Variants in ZNF804A observed in about 807,000 individuals in gnomAD.
The protein encoded by ZNF804A is zinc finger protein 804A.
Under a neutral mutation model 16.5 loss-of-function variants are expected in ZNF804A, and 2 were observed. The observed-to-expected ratio is 0.12, with a 90% CI of 0.05 to 0.38. ZNF804A has a LOEUF of 0.38. Ranked by LOEUF, ZNF804A falls within the 10% of genes least tolerant of loss-of-function variation. The probability of loss-of-function intolerance (pLI) is 0.99; values close to 1 mark genes in which losing one functional copy is unlikely to be tolerated. For synonymous variants in ZNF804A, 534 were observed against 489.6 expected, an observed-to-expected ratio of 1.09 and a Z score of -1.20; for missense variants, 1,473 against 1,390.7, an observed-to-expected ratio of 1.06 and a Z score of -0.94.
chr2:184,810,484 C>CTTTTTTTTT (rs1175105602), intron 1 of ZNF804A, among the ~76,000 whole-genome samples: 15 of 95,972 alleles, frequency 1.6e-4, no homozygotes, highest in Non-Finnish European at 1.7e-4. Context: ...TGTTCTTTTC[C>CTTTTTTTTT]TTTTTTTTTT....
At chr2:184,897,299 G>A (rs192968236) in intron 2 of ZNF804A, among the ~76,000 whole-genome samples, 2 of 152,176 alleles carry the variant, frequency 1.3e-5, no homozygotes, top group Admixed American at 1.3e-4. Context: ...ACAAAGTAGT[G>A]TGTCAGGATT....
intron 3 of ZNF804A, 152 bp from the exon 4 acceptor site, chr2:184,935,631 G>T: frequency 2.6e-6 from 2 of 774,520 alleles, no homozygotes; most frequent in Non-Finnish European, 3.9e-6. Context: ...GTGGCACCAT[G>T]GAAAGTACTT....
intron 1 of ZNF804A, among the ~76,000 whole-genome samples, chr2:184,832,348 C>T (rs1695277173): frequency 6.6e-6 from 1 of 152,030 alleles, no homozygotes; most frequent in Admixed American, 6.6e-5. Context: ...AATGTCAAAG[C>T]TCTTTCCAGA....
chr2:184,748,294 T>A (rs1197646866), intron 1 of ZNF804A, among the ~76,000 whole-genome samples: 1 of 151,322 alleles, frequency 6.6e-6, no homozygotes, highest in Non-Finnish European at 1.5e-5. Flanking sequence ...TCTGTTTTTT[T>A]TTTTGACTTT....
At chr2:184,885,945 C>G (rs943055104) in intron 2 of ZNF804A, among the ~76,000 whole-genome samples, 1 of 152,146 alleles carries the variant, frequency 6.6e-6, no homozygotes, top group Non-Finnish European at 1.5e-5. Flanking sequence ...AATCTCATGT[C>G]CTCACATTTA....
chr2:184,676,900 G>T (rs1016021519), intron 1 of ZNF804A, among the ~76,000 whole-genome samples: 1 of 151,446 alleles, frequency 6.6e-6, no homozygotes, highest in Non-Finnish European at 1.5e-5. Context: ...AAATATAAAT[G>T]TAAATAGGTT....
At chr2:184,923,475 G>T (rs1443196056) in intron 2 of ZNF804A, among the ~76,000 whole-genome samples, 1 of 151,472 alleles carries the variant, frequency 6.6e-6, no homozygotes, top group Non-Finnish European at 1.5e-5. Flanking sequence ...CCAGGTATAA[G>T]ATTATATCAT....
chr2:184,767,607 AGT>A (rs1388273502), intron 1 of ZNF804A, among the ~76,000 whole-genome samples: 1 of 152,134 alleles, frequency 6.6e-6, no homozygotes, highest in Non-Finnish European at 1.5e-5. Context: ...TTTGCCACAA[AGT>A]GTCAAACAAA....
intron 2 of ZNF804A, among the ~76,000 whole-genome samples, chr2:184,917,401 T>C (rs1685465630): frequency 1.3e-5 from 2 of 152,132 alleles, no homozygotes; most frequent in Non-Finnish European, 2.9e-5. Context: ...AATACTTAGA[T>C]ACTATGATGT....
chr2:184,704,860 G>A (rs1160742543), intron 1 of ZNF804A, among the ~76,000 whole-genome samples: 2 of 152,308 alleles, frequency 1.3e-5, no homozygotes, highest in South Asian at 2.1e-4. Flanking sequence ...AAACCTTGAG[G>A]GGATGCCCTG....
chr2:184,862,020 C>A (rs1420442723), intron 1 of ZNF804A, among the ~76,000 whole-genome samples: 1 of 152,146 alleles, frequency 6.6e-6, no homozygotes, highest in Non-Finnish European at 1.5e-5. Context: ...GGAAGATTGT[C>A]CTTCTTTTTC....
At chr2:184,847,332 A>G (rs373329554) in intron 1 of ZNF804A, among the ~76,000 whole-genome samples, 2 of 152,092 alleles carry the variant, frequency 1.3e-5, no homozygotes, top group East Asian at 3.9e-4. Context: ...AATTCTGTTC[A>G]GTATATCTGT....
chr2:184,725,681 C>A (rs919539185), intron 1 of ZNF804A, among the ~76,000 whole-genome samples: 1 of 151,532 alleles, frequency 6.6e-6, no homozygotes, highest in Non-Finnish European at 1.5e-5. Context: ...AGTTCTATAT[C>A]ATTTTACCAC....
chr2:184,628,610 C>T (rs939364475), intron 1 of ZNF804A, among the ~76,000 whole-genome samples: 3 of 151,642 alleles, frequency 2.0e-5, no homozygotes, highest in Non-Finnish European at 4.4e-5. Flanking sequence ...TTATTGTTAC[C>T]ATTTGTATTT....
intron 1 of ZNF804A, among the ~76,000 whole-genome samples, chr2:184,608,404 C>T (rs2105669905): frequency 6.6e-6 from 1 of 152,208 alleles, no homozygotes; most frequent in South Asian, 2.1e-4. Flanking sequence ...GACTTTCTAT[C>T]TAGGAGCAAA....
chr2:184,602,051 C>T (rs1691057666), intron 1 of ZNF804A, among the ~76,000 whole-genome samples: 1 of 151,808 alleles, frequency 6.6e-6, no homozygotes, highest in South Asian at 2.1e-4. Context: ...AAATCCAGAA[C>T]GTTATCCTGC....
intron 2 of ZNF804A, among the ~76,000 whole-genome samples, chr2:184,931,854 G>A (rs1685707294): frequency 6.6e-6 from 1 of 152,046 alleles, no homozygotes; most frequent in Non-Finnish European, 1.5e-5. Flanking sequence ...AAATAACTTT[G>A]TGAATACATA....
intron 1 of ZNF804A, among the ~76,000 whole-genome samples, chr2:184,779,783 C>G (rs947445223): frequency 2.0e-5 from 3 of 151,624 alleles, no homozygotes; most frequent in Admixed American, 2.0e-4. Flanking sequence ...CCGCAGACAC[C>G]CTAATTTTAT....
At chr2:184,845,047 A>G (rs143134477) in intron 1 of ZNF804A, among the ~76,000 whole-genome samples, 73 of 151,910 alleles carry the variant, frequency 4.8e-4, no homozygotes, top group African/African-American at 1.6e-3. Context: ...TTAATTTCTA[A>G]TATTTTATTT....
Sources: gnomAD v4.1 joint callset for allele counts (sites outside exome capture counted in the v4.1 genomes callset) on GRCh38, gnomAD v4.1.1 for gene constraint, MANE v1.5 for transcripts, NCBI Gene and HGNC (gene_info 2026-07-23, HGNC 2026-07-21) for gene names.